ARFGEF2: variants seen among roughly 807,000 people sequenced by gnomAD.
ARFGEF2 encodes the protein brefeldin A-inhibited guanine nucleotide-exchange protein 2.
Under a neutral mutation model 219.9 loss-of-function variants are expected in ARFGEF2, and 74 were observed. The ratio of observed to expected loss-of-function variants is 0.34; its 90% CI spans 0.28 to 0.41. The LOEUF (loss-of-function observed/expected upper bound fraction) is 0.41. Ranked by LOEUF, ARFGEF2 falls within the 10% of genes least tolerant of loss-of-function variation. The pLI is 1.00. For missense variants in ARFGEF2, 1,743 were observed against 2,218.3 expected, an observed-to-expected ratio of 0.79 and a Z score of 4.30; for synonymous variants, 733 against 799.2, an observed-to-expected ratio of 0.92 and a Z score of 1.40.
chr20:49,022,165 A>C (rs2091569113), intron 34 of ARFGEF2, among the ~76,000 whole-genome samples: 1 of 151,822 alleles, frequency 6.6e-6, no homozygotes, highest in Admixed American at 6.6e-5. Flanking sequence ...AAAAAAAAAA[A>C]AAAAAAAAAA....
rs2091450698 is a variant in ARFGEF2, at chr20:49,005,274, A to G, written c.3584+53A>G. ...GGTCAAATTCCCCGTTGGGGCTCCC[A>G]GAAGCCCTCCTAACACTAACCACAT... On this transcript the variant is annotated intron_variant, in intron 26 of 38. Coordinates refer to ENST00000371917, the MANE Select transcript of ARFGEF2 (RefSeq NM_006420.3). 1.9e-6 allele frequency: 3 copies of G among 1,608,306 alleles called. No homozygotes were observed. The East Asian group carries it at 6.7e-5, about 36-fold the overall frequency.
intron 34 of ARFGEF2, among the ~76,000 whole-genome samples, chr20:49,021,727 T>G (rs2091565950): frequency 6.6e-6 from 1 of 150,874 alleles, no homozygotes; most frequent in African/African-American, 2.4e-5. Flanking sequence ...CGGGTGCCTG[T>G]AGTCCCAGCT....
At chr20:48,934,785 TG>T (rs1375758571) in intron 1 of ARFGEF2, among the ~76,000 whole-genome samples, 13 of 152,258 alleles carry the variant, frequency 8.5e-5, no homozygotes, top group African/African-American at 2.9e-4. Flanking sequence ...TCCAAGTCTT[TG>T]CTATTGTGAA....
intron 6 of ARFGEF2, among the ~76,000 whole-genome samples, chr20:48,958,403 A>G (rs953643850): frequency 6.6e-6 from 1 of 151,484 alleles, no homozygotes; most frequent in African/African-American, 2.4e-5. Flanking sequence ...ATCATGCTGA[A>G]TTCACTTCTA....
At chr20:48,965,746 GT>G in intron 7 of ARFGEF2, 125 bp from the exon 8 acceptor site, 1 of 1,110,646 alleles carries the variant, frequency 9.0e-7, no homozygotes, top group South Asian at 1.3e-5. Flanking sequence ...TCATGGGCTG[GT>G]GGCACAGGAA....
At chr20:48,972,516 GT>G (rs2032028706) in intron 11 of ARFGEF2, 91 bp downstream of exon 11, 1 of 1,026,760 alleles carries the variant, frequency 9.7e-7, no homozygotes, top group Non-Finnish European at 1.5e-6. Context: ...TCCTTTTAGA[GT>G]TTTAAAGGAT....
chr20:48,982,448 T>C (rs954855953), intron 14 of ARFGEF2, among the ~76,000 whole-genome samples: 1 of 152,178 alleles, frequency 6.6e-6, no homozygotes, highest in African/African-American at 2.4e-5. Flanking sequence ...CCAGTTAGGC[T>C]ACATGGGGGT....
At chr20:49,022,630 T>G (rs2091572855) in intron 34 of ARFGEF2, among the ~76,000 whole-genome samples, 1 of 152,204 alleles carries the variant, frequency 6.6e-6, no homozygotes, top group Non-Finnish European at 1.5e-5. Flanking sequence ...AATGTCACAT[T>G]TTTATAGAGA....
In ARFGEF2 at chr20:49,034,059, A is replaced by T. The variant is rs1448086182; in HGVS notation, c.*860A>T. 7 of 152,354 alleles carry T rather than the reference A, an allele frequency of 4.6e-5. No homozygotes were observed. The highest frequency in any genetic ancestry group is 8.8e-5 in the Non-Finnish European group (6 of 68,038). The allele number at this position is 152,354 out of a possible 1,614,324, so 9.4% of individuals were successfully genotyped here. On this transcript the variant is annotated 3_prime_UTR_variant, in exon 39 of 39. Coordinates refer to ENST00000371917, the MANE Select transcript of ARFGEF2 (RefSeq NM_006420.3). ...TCTAATATATGAAGTAGTAATGAAA[A>T]TGAAGTAGTAATTTAACCAGAGTTC...
At chr20:49,021,391 A>G (rs1261728634) in intron 34 of ARFGEF2, among the ~76,000 whole-genome samples, 1 of 152,192 alleles carries the variant, frequency 6.6e-6, no homozygotes, top group Non-Finnish European at 1.5e-5. Context: ...AAGTTGGGAA[A>G]GGAATCTCTA....
At chr20:49,007,017 C>T (rs1212255326) in intron 26 of ARFGEF2, among the ~76,000 whole-genome samples, 4 of 151,910 alleles carry the variant, frequency 2.6e-5, no homozygotes, top group African/African-American at 9.7e-5. Flanking sequence ...GTGAAATGAT[C>T]TGACATTTTA....
intron 14 of ARFGEF2, among the ~76,000 whole-genome samples, chr20:48,983,365 T>C (rs1167340289): frequency 6.6e-6 from 1 of 152,310 alleles, no homozygotes; most frequent in East Asian, 1.9e-4. Context: ...GTTAACTTAG[T>C]AAGTTCAACT....
chr20:49,008,583 G>A (rs1235305706), intron 26 of ARFGEF2, among the ~76,000 whole-genome samples: 1 of 151,138 alleles, frequency 6.6e-6, no homozygotes, highest in Admixed American at 6.6e-5. Context: ...AGTTCACAAT[G>A]TTTATAATGT....
At chr20:48,963,691 A>G (rs1224973948) in intron 6 of ARFGEF2, 139 bp from the exon 7 acceptor site, 2 of 775,086 alleles carry the variant, frequency 2.6e-6, no homozygotes, top group Non-Finnish European at 4.4e-6. Context: ...CATTGACACA[A>G]TCAGATTTGG....
rs770700652 is a variant in ARFGEF2, at chr20:48,941,924, A to G, written c.213A>G (p.Pro71=). 2.5e-6 allele frequency: 4 copies of G among 1,614,204 alleles called. No homozygotes were observed. Among genetic ancestry groups the G allele is most frequent in the Middle Eastern group, 1.6e-4 (1 of 6,062 alleles). ...TTGAAGCTGACAAGTATTTTCTTCCATTCGAGCTAGCTTGCCAGTCCAAGT... is the reference window on the plus strand; with the variant it reads ...TTGAAGCTGACAAGTATTTTCTTCCGTTCGAGCTAGCTTGCCAGTCCAAGT... ...NFIEADKYFL[P]FELACQSKSP... The change falls in exon 3 of 39, where the codon CCA becomes CCG. Residue 71 remains proline (P), a synonymous_variant. Transcript: ENST00000371917.
chr20:48,959,417 C>CTCCA (rs1359526246), intron 6 of ARFGEF2, among the ~76,000 whole-genome samples: 5 of 63,872 alleles, frequency 7.8e-5, no homozygotes, highest in African/African-American at 1.4e-4. Flanking sequence ...CCTTCCCTCC[C>CTCCA]TCCCTCCCTT....
At chr20:48,959,623 A>T in intron 6 of ARFGEF2, among the ~76,000 whole-genome samples, 1 of 86,312 alleles carries the variant, frequency 1.2e-5, no homozygotes. Flanking sequence ...CCTTCCTTCC[A>T]TTTTGAGACA....
intron 21 of ARFGEF2, among the ~76,000 whole-genome samples, chr20:48,994,168 A>G (rs547507977): frequency 8.5e-5 from 13 of 152,296 alleles, no homozygotes; most frequent in African/African-American, 2.9e-4. Flanking sequence ...AAGGAGCAAC[A>G]GTGAGGCCAA....
chr20:48,950,811 A>AAAAAATATATAT (rs1176537072), intron 3 of ARFGEF2, among the ~76,000 whole-genome samples: 3 of 64,478 alleles, frequency 4.7e-5, no homozygotes, highest in African/African-American at 7.5e-5. Flanking sequence ...AAAAAAAAAA[A>AAAAAATATATAT]ATATATATAT....
Sources: allele counts gnomAD v4.1 joint callset (sites outside exome capture counted in the v4.1 genomes callset), GRCh38; gene constraint gnomAD v4.1.1; transcripts MANE v1.5; gene names NCBI Gene and HGNC (gene_info 2026-07-23, HGNC 2026-07-21).